The following TCF25 variants were observed in gnomAD, a reference collection of about 807,000 sequenced individuals.
TCF25 encodes the protein TCF25 ribosome quality control complex subunit, also known as ribosome quality control complex subunit TCF25.
TCF25 carries 41 observed loss-of-function variants against 83.1 expected under a neutral mutation model. The ratio of observed to expected loss-of-function variants is 0.49; its 90% CI spans 0.38 to 0.64. The LOEUF (loss-of-function observed/expected upper bound fraction) is 0.64. TCF25 is among the 30% of genes least tolerant of loss of function. TCF25 has a pLI of 0.00. For synonymous variants in TCF25, 458 were observed against 365.0 expected (o/e 1.25, Z -2.90); for missense variants, 979 against 914.5 (o/e 1.07, Z -0.91).
intron 13 of TCF25, 75 bp from the exon 14 acceptor site, chr16:89,904,863 C>G (rs1007066398): frequency 6.5e-7 from 1 of 1,536,010 alleles, no homozygotes; most frequent in East Asian, 2.4e-5. Flanking sequence ...TCTGCCCATC[C>G]ATGGGGCTCT....
chr16:89,874,288 C>T (rs1383705965), intron 1 of TCF25, among the ~76,000 whole-genome samples: 5 of 131,918 alleles, frequency 3.8e-5, no homozygotes, highest in Admixed American at 1.7e-4. Flanking sequence ...GTCGTGGGGC[C>T]GTGACGCTAA....
intron 7 of TCF25, among the ~76,000 whole-genome samples, chr16:89,894,112 G>A (rs756829965): frequency 1.3e-5 from 2 of 152,314 alleles, no homozygotes; most frequent in East Asian, 1.9e-4. Context: ...CCTGGGGACC[G>A]TCGCAGTAGT....
At chr16:89,904,298 T>C in intron 13 of TCF25, 93 bp downstream of exon 13, 1 of 1,381,840 alleles carries the variant, frequency 7.2e-7, no homozygotes, top group Non-Finnish European at 1.0e-6. Flanking sequence ...CTGAGGGACC[T>C]GCTTCCAGCA....
At chr16:89,874,349 T>C (rs1262274553) in intron 1 of TCF25, among the ~76,000 whole-genome samples, 1 of 137,652 alleles carries the variant, frequency 7.3e-6, no homozygotes. Context: ...TGGGCGGGGT[T>C]AAATGAGGCC....
In TCF25 at chr16:89,884,643, C is replaced by T. The variant is rs577385066; in HGVS notation, c.416C>T (p.Thr139Met). The part of the protein sequence containing the change: ...KKKQKNKKSS[T>M]GEASENGLED... ...AAACAGAAAAACAAGAAAAGCAGCACGGGAGAAGCATCGGTACGTGAGTTG... is the reference window on the plus strand; with the variant it reads ...AAACAGAAAAACAAGAAAAGCAGCATGGGAGAAGCATCGGTACGTGAGTTG... Residue 139 changes from threonine (T) to methionine (M), a missense_variant, in exon 3 of 18, where the codon ACG (threonine) becomes ATG (methionine). By Grantham distance (81) the Thr-to-Met change is moderately conservative. Transcript: ENST00000263346. 1.2e-4 allele frequency: 201 copies of T among 1,612,906 alleles called. 6 individuals carry two copies. The South Asian group carries it at 2.0e-3, about 16-fold the overall frequency.
intron 13 of TCF25, 129 bp downstream of exon 13, chr16:89,904,334 C>T (rs556150593): frequency 1.1e-5 from 11 of 1,031,344 alleles, no homozygotes; most frequent in Admixed American, 8.4e-5. Flanking sequence ...GTGGCGGCCT[C>T]GGGGACTGTC....
intron 17 of TCF25, 121 bp from the exon 18 acceptor site, chr16:89,910,959 G>T (rs2144362142): frequency 7.4e-7 from 1 of 1,357,142 alleles, no homozygotes; most frequent in Non-Finnish European, 1.0e-6. Context: ...ACCTGGGGAG[G>T]GTTCAGGGTC....
At chr16:89,890,739 T>C (rs577501800) in intron 5 of TCF25, 1 of 152,180 alleles carries the variant, frequency 6.6e-6, no homozygotes, top group Non-Finnish European at 1.5e-5. Flanking sequence ...TGCATGGTTT[T>C]ATTTCTGCAA....
Position 89,911,079 on chromosome 16 carries a change from G to T in TCF25, c.1873-1G>T. The T allele has an allele frequency of 6.2e-7, 1 of 1,610,716 alleles. No homozygotes were observed. The highest frequency in any genetic ancestry group is 8.5e-7 in the Non-Finnish European group (1 of 1,179,752). On this transcript the variant is annotated splice_acceptor_variant, in intron 17 of 17. Coordinates refer to ENST00000263346, the MANE Select transcript of TCF25 (RefSeq NM_014972.3). LOFTEE classifies it high-confidence loss of function. Reference sequence around the variant, plus strand: ...TTCTCAGACATGTCCCCTTGCTGCAGGGGGAGAGGCCCGAGGAAGGAGTGG... The same window carrying T: ...TTCTCAGACATGTCCCCTTGCTGCATGGGGAGAGGCCCGAGGAAGGAGTGG...
At chr16:89,903,892 C>G (rs2044555515) in intron 12 of TCF25, among the ~76,000 whole-genome samples, 1 of 152,170 alleles carries the variant, frequency 6.6e-6, no homozygotes, top group African/African-American at 2.4e-5. Flanking sequence ...CCCTGGCAGC[C>G]TCCTTGGGGC....
intron 1 of TCF25, among the ~76,000 whole-genome samples, chr16:89,879,927 A>G (rs61539229): frequency 0.048 from 6,809 of 141,912 alleles, 515 homozygotes; most frequent in African/African-American, 0.11. Context: ...GTACACAGAC[A>G]GGCTCCTGGG....
intron 15 of TCF25, 55 bp from the exon 16 acceptor site, chr16:89,907,188 G>GT: frequency 6.4e-7 from 1 of 1,570,790 alleles, no homozygotes; most frequent in Non-Finnish European, 8.7e-7. Flanking sequence ...GCTGGGAGAG[G>GT]TAGAGGCCCC....
rs1422864609 is a variant in TCF25, at chr16:89,873,803, C to T, written c.136C>T (p.Arg46Trp). ...EEGPKRELGV[R>W]RPGGAGKEGV... ...AGGGCCCAAGCGGGAGCTTGGTGTCCGGCGTCCCGGGGGCGCAGGGAAGGA... is the reference window on the plus strand; with the variant it reads ...AGGGCCCAAGCGGGAGCTTGGTGTCTGGCGTCCCGGGGGCGCAGGGAAGGA... The change falls in exon 1 of 18, where the codon CGG (arginine) becomes TGG (tryptophan). Residue 46 changes from arginine (R) to tryptophan (W), a missense_variant. Arg to Trp is a moderately radical substitution (Grantham distance 101, BLOSUM62 -3). Coordinates refer to ENST00000263346, the MANE Select transcript of TCF25 (RefSeq NM_014972.3). 3 of 1,592,062 alleles carry T rather than the reference C, an allele frequency of 1.9e-6. No individual in the cohort carries two copies. The highest frequency in any genetic ancestry group is 2.6e-6 in the Non-Finnish European group (3 of 1,170,582).
chr16:89,898,660 G>A lies in TCF25; in HGVS notation c.1115+11G>A. On this transcript the variant is annotated intron_variant, in intron 10 of 17. Transcript: ENST00000263346. ...CAAGCTCATCCTGAGGTGAGTGTCT[G>A]CTCAGGGCCAAGCCCGTCCACGCTC... 6.2e-7 allele frequency: 1 copy of A among 1,612,502 alleles called. No homozygotes were observed.
Position 89,893,752 on chromosome 16 carries a change from C to CA in TCF25, c.729dup (p.Gly244ArgfsTer8). On this transcript the variant is annotated frameshift_variant, in exon 7 of 18. Coordinates refer to ENST00000263346, the MANE Select transcript of TCF25 (RefSeq NM_014972.3). LOFTEE classifies it high-confidence loss of function. ...GGTCTGTCCATGCGGCTGCTGGAAT[C>CA]AAAAAAAGGCCTCTCCTTCTTTGCG... is the stretch of plus-strand genomic sequence containing the variant. 6.2e-7 allele frequency: 1 copy of CA among 1,613,738 alleles called. No individual in the cohort carries two copies. Among genetic ancestry groups the CA allele is most frequent in the Non-Finnish European group, 8.5e-7 (1 of 1,179,910 alleles).
At chr16:89,899,301 G>A (rs2044133007) in intron 11 of TCF25, among the ~76,000 whole-genome samples, 1 of 152,222 alleles carries the variant, frequency 6.6e-6, no homozygotes, top group Non-Finnish European at 1.5e-5. Flanking sequence ...TGGGAAGAGT[G>A]TGAGTACAGC....
chr16:89,900,094 T>C (rs1007413635), intron 11 of TCF25, among the ~76,000 whole-genome samples: 2 of 152,168 alleles, frequency 1.3e-5, no homozygotes, highest in African/African-American at 4.8e-5. Context: ...TGATGGTGTT[T>C]AAGGTCACAA....
At chr16:89,886,006 G>C (rs776515095) in intron 4 of TCF25, 40 bp downstream of exon 4, 2 of 1,558,104 alleles carry the variant, frequency 1.3e-6, no homozygotes, top group African/African-American at 1.4e-5. Flanking sequence ...CCTTCTCTGC[G>C]GCTGCCCTTC....
intron 7 of TCF25, among the ~76,000 whole-genome samples, chr16:89,894,745 A>G (rs764611475): frequency 1.6e-4 from 24 of 152,132 alleles, no homozygotes; most frequent in Non-Finnish European, 2.9e-4. Context: ...CCCGGGTTCA[A>G]GCGATTCGCC....
Sources: gnomAD v4.1 joint callset for allele counts (sites outside exome capture counted in the v4.1 genomes callset) on GRCh38, gnomAD v4.1.1 for gene constraint, MANE v1.5 for transcripts, NCBI Gene and HGNC (gene_info 2026-07-23, HGNC 2026-07-21) for gene names.